Variants in FBXO34 observed in about 807,000 individuals in gnomAD.
FBXO34 encodes F-box protein 34.
FBXO34 carries 12 observed loss-of-function variants against 24.5 expected under a neutral mutation model. The ratio of observed to expected loss-of-function variants is 0.49; its 90% CI spans 0.31 to 0.79. The LOEUF (loss-of-function observed/expected upper bound fraction) is 0.79, where lower values mean the gene tolerates loss of function less well. Ranked by LOEUF, FBXO34 falls within the 30% of genes least tolerant of loss-of-function variation. FBXO34 has a pLI of 0.04. For missense variants in FBXO34, 823 were observed against 857.7 expected, an observed-to-expected ratio of 0.96 and a Z score of 0.51; for synonymous variants, 320 against 311.9, an observed-to-expected ratio of 1.03 and a Z score of -0.27.
At chr14:55,323,957 T>C (rs1883256405) in intron 1 of FBXO34, among the ~76,000 whole-genome samples, 1 of 152,190 alleles carries the variant, frequency 6.6e-6, no homozygotes, top group Non-Finnish European at 1.5e-5. Flanking sequence ...TTTGAAAGTG[T>C]ACAGTTCACT....
At chr14:55,317,583 CTG>C (rs1882977173) in intron 1 of FBXO34, among the ~76,000 whole-genome samples, 1 of 152,192 alleles carries the variant, frequency 6.6e-6, no homozygotes, top group Admixed American at 6.5e-5. Context: ...CTCTCCTATT[CTG>C]TTTATATGGT....
intron 1 of FBXO34, among the ~76,000 whole-genome samples, chr14:55,308,010 C>T (rs557815984): frequency 1.3e-5 from 2 of 152,240 alleles, no homozygotes; most frequent in East Asian, 3.9e-4. Context: ...ATACTGTTCT[C>T]CTCGTGGTAA....
At chr14:55,305,212 G>A (rs532096539) in intron 1 of FBXO34, among the ~76,000 whole-genome samples, 5 of 152,104 alleles carry the variant, frequency 3.3e-5, no homozygotes, top group Non-Finnish European at 5.9e-5. Flanking sequence ...GGAGATTGAG[G>A]CCATCCTGGC....
intron 1 of FBXO34, among the ~76,000 whole-genome samples, chr14:55,327,123 A>G (rs1883367039): frequency 6.6e-6 from 1 of 152,198 alleles, no homozygotes; most frequent in Non-Finnish European, 1.5e-5. Flanking sequence ...TGCCTCTCTA[A>G]GATGACATTG....
the FBXO34 span, chr14:55,378,074 A>G: frequency 6.2e-7 from 1 of 1,611,268 alleles, no homozygotes; most frequent in African/African-American, 1.3e-5. Flanking sequence ...CACAAAATTC[A>G]CTGTAAAACA....
At chr14:55,414,413 A>G in the FBXO34 span, 1 of 1,609,194 alleles carries the variant, frequency 6.2e-7, no homozygotes. Flanking sequence ...AATAGGATAG[A>G]TGTTTTCAAA....
chr14:55,422,529 G>A, the FBXO34 span, among the ~76,000 whole-genome samples: 23 of 152,166 alleles, frequency 1.5e-4, 1 homozygote, highest in African/African-American at 5.1e-4. Flanking sequence ...GATTACAGGC[G>A]TGAGCCACCG....
At chr14:55,347,634 T>C (rs1317638408) in intron 1 of FBXO34, among the ~76,000 whole-genome samples, 1 of 152,186 alleles carries the variant, frequency 6.6e-6, no homozygotes, top group Admixed American at 6.5e-5. Context: ...TCACGTCTGT[T>C]CCCTGGGATC....
intron 1 of FBXO34, among the ~76,000 whole-genome samples, chr14:55,338,969 A>G (rs1883894999): frequency 6.6e-6 from 1 of 152,064 alleles, no homozygotes; most frequent in Admixed American, 6.6e-5. Context: ...CAGTTCTCTA[A>G]GATACAAAAT....
chr14:55,367,665 A>C (rs1190713018), exon 3 of FBXO34: 1 of 151,716 alleles, frequency 6.6e-6, no homozygotes, highest in Non-Finnish European at 1.5e-5. Context: ...AATTGCTTGA[A>C]CCCAGGAGAT....
intron 1 of FBXO34, among the ~76,000 whole-genome samples, chr14:55,325,655 A>G (rs1389648716): frequency 6.6e-6 from 1 of 152,044 alleles, no homozygotes; most frequent in African/African-American, 2.4e-5. Flanking sequence ...TTGTATTTTT[A>G]GTAGAGATGG....
intron 1 of FBXO34, among the ~76,000 whole-genome samples, chr14:55,323,986 A>G (rs1883257156): frequency 6.6e-6 from 1 of 152,172 alleles, no homozygotes; most frequent in South Asian, 2.1e-4. Context: ...GTGTATTCAC[A>G]AAGTTGTGCA....
At chr14:55,392,417 GC>G in the FBXO34 span, among the ~76,000 whole-genome samples, 2 of 152,116 alleles carry the variant, frequency 1.3e-5, no homozygotes, top group Non-Finnish European at 2.9e-5. Context: ...GGAAGCTGAG[GC>G]AGGCACATCA....
At chr14:55,405,200 A>G in the FBXO34 span, among the ~76,000 whole-genome samples, 1 of 152,336 alleles carries the variant, frequency 6.6e-6, no homozygotes, top group East Asian at 1.9e-4. Flanking sequence ...TTCTCAAGAC[A>G]ATAGATTTTT....
the FBXO34 span, among the ~76,000 whole-genome samples, chr14:55,431,580 T>G: frequency 1.3e-5 from 2 of 152,238 alleles, no homozygotes; most frequent in African/African-American, 4.8e-5. Context: ...CTTGCACAAC[T>G]GTCCAATAAT....
At chr14:55,318,688 T>A (rs749361762) in intron 1 of FBXO34, among the ~76,000 whole-genome samples, 4 of 151,856 alleles carry the variant, frequency 2.6e-5, no homozygotes, top group Non-Finnish European at 4.4e-5. Context: ...ATATTTTTTA[T>A]ATGGATGTAT....
chr14:55,440,659 C>T, the FBXO34 span: 7,788 of 1,232,772 alleles, frequency 6.3e-3, 148 homozygotes, highest in African/African-American at 0.063. Flanking sequence ...CAGCTACCGG[C>T]CCATGGGCGC....
At chr14:55,431,304 G>C in the FBXO34 span, among the ~76,000 whole-genome samples, 90 of 152,202 alleles carry the variant, frequency 5.9e-4, no homozygotes, top group African/African-American at 1.9e-3. Flanking sequence ...CAGATTTTAG[G>C]AATAAATTCA....
At chr14:55,397,308 C>T in the FBXO34 span, 45 of 1,383,548 alleles carry the variant, frequency 3.3e-5, no homozygotes, top group Middle Eastern at 1.1e-3. Flanking sequence ...TACCACAGCA[C>T]TGAATTCAAC....
Sources: allele counts gnomAD v4.1 joint callset (sites outside exome capture counted in the v4.1 genomes callset), GRCh38; gene constraint gnomAD v4.1.1; transcripts MANE v1.5; gene names NCBI Gene and HGNC (gene_info 2026-07-23, HGNC 2026-07-21).